Variants in SCEL observed in about 807,000 individuals in gnomAD.
SCEL encodes the protein sciellin.
A neutral mutation model predicts 117.6 loss-of-function variants in SCEL; 113 were observed. The ratio of observed to expected loss-of-function variants is 0.96; its 90% confidence interval spans 0.83 to 1.12. The LOEUF (loss-of-function observed/expected upper bound fraction) is 1.12, where lower values mean the gene tolerates loss of function less well. SCEL is among the 50% of genes most tolerant of loss of function. SCEL has a pLI of 0.00. For synonymous variants in SCEL, 270 were observed against 256.2 expected, an observed-to-expected ratio of 1.05 and a Z score of -0.51; for missense variants, 785 against 810.8, an observed-to-expected ratio of 0.97 and a Z score of 0.39.
Position 77,598,703 on chromosome 13 carries a change from G to A in SCEL, c.798-626G>A, listed in dbSNP as rs2087422330. Among the ~76,000 whole-genome samples, 4 of 152,164 alleles carry A rather than the reference G, an allele frequency of 2.6e-5. No individual in the cohort carries two copies. In the South Asian group the frequency reaches 8.3e-4, roughly 32 times the overall value. On this transcript the variant is annotated intron_variant, in intron 13 of 32. Coordinates refer to ENST00000349847, the MANE Select transcript of SCEL (RefSeq NM_144777.3). ...TGTTTGTTTGTTCATTCGTTTTAGA[G>A]ACAGGGTCTCGCTCTGTCGCCCAGG...
At chr13:77,631,469 G>T (rs975834781) in intron 28 of SCEL, among the ~76,000 whole-genome samples, 1 of 152,148 alleles carries the variant, frequency 6.6e-6, no homozygotes, top group Non-Finnish European at 1.5e-5. Flanking sequence ...AAACCAGTGA[G>T]ACATGAATCT....
chr13:77,633,465 A>AAAAAAAAAAAAAT (rs1199649315), intron 28 of SCEL, among the ~76,000 whole-genome samples: 1 of 143,498 alleles, frequency 7.0e-6, no homozygotes, highest in Non-Finnish European at 1.5e-5. Context: ...AAAAAAAAAA[A>AAAAAAAAAAAAAT]AGAAGCCAGG....
At position 77,637,239 on chromosome 13, in the gene SCEL, G is replaced by A. The variant is rs984244157; in HGVS notation, c.1838+45G>A. 1.0e-5 allele frequency: 7 copies of A among 702,650 alleles called. No individual in the cohort carries two copies. In the Admixed American group the frequency reaches 1.9e-4, roughly 19 times the overall value. The allele number at this position is 702,650 out of a possible 1,614,324, so 43.5% of individuals were successfully genotyped here. A position where few individuals can be genotyped will look rare whatever the true frequency, so the allele number is the denominator to read the frequency against. ...CATACATAAAAAGTACACACATACA[G>A]ACACACACACACATATATATATATA... On this transcript the variant is annotated intron_variant, in intron 30 of 32. Coordinates refer to ENST00000349847, the MANE Select transcript of SCEL (RefSeq NM_144777.3).
At position 77,556,542 on chromosome 13, in the gene SCEL, C is replaced by T. The variant is rs186198245; in HGVS notation, c.44-54C>T. 11 of 1,461,210 alleles carry T rather than the reference C, an allele frequency of 7.5e-6. No individual in the cohort carries two copies. The African/African-American group carries it at 1.5e-4, about 20-fold the overall frequency. 90.5% of individuals were successfully genotyped at this position (1,461,210 alleles called of 1,614,324 possible). On this transcript the variant is annotated intron_variant, in intron 2 of 32. Transcript: ENST00000349847. ...CTCAGGATTTTCAGGTTAACAAGCC[C>T]ACGCTCAACTCCACACTATTACATC...
intron 1 of SCEL, among the ~76,000 whole-genome samples, chr13:77,550,891 C>T (rs1253246816): frequency 6.6e-6 from 1 of 152,160 alleles, no homozygotes; most frequent in Admixed American, 6.5e-5. Flanking sequence ...AGAAGGCTGT[C>T]CTGTGAAGGT....
At chr13:77,539,691 C>T (rs1467704116) in intron 1 of SCEL, among the ~76,000 whole-genome samples, 2 of 152,068 alleles carry the variant, frequency 1.3e-5, no homozygotes, top group African/African-American at 4.8e-5. Context: ...CCCACCACCA[C>T]GCCCAGCTGA....
intron 28 of SCEL, among the ~76,000 whole-genome samples, chr13:77,633,461 A>AAAAAAAAAAG (rs2090129413): frequency 7.0e-6 from 1 of 143,018 alleles, no homozygotes; most frequent in Non-Finnish European, 1.5e-5. Flanking sequence ...AAAAAAAAAA[A>AAAAAAAAAAG]AAAAAGAAGC....
At position 77,638,659 on chromosome 13, in the gene SCEL, C is replaced by A. The variant is rs112748459; in HGVS notation, c.1838+1465C>A. Reference sequence around the variant, plus strand: ...TGCTGTTGATAGTGTGTGAAATTGGCGATGTTCTTACAGTTCTTATTTAAG... The same window carrying A: ...TGCTGTTGATAGTGTGTGAAATTGGAGATGTTCTTACAGTTCTTATTTAAG... On this transcript the variant is annotated intron_variant, in intron 30 of 32. Transcript: ENST00000349847. Among the ~76,000 whole-genome samples, 713 of 152,224 alleles carry A rather than the reference C, an allele frequency of 4.7e-3. 9 individuals carry two copies. The highest frequency in any genetic ancestry group is 0.016 in the African/African-American group (681 of 41,540).
rs17067903 is a variant in SCEL, at chr13:77,559,401, A to G, written c.162-403A>G. On this transcript the variant is annotated intron_variant, in intron 3 of 32. Transcript: ENST00000349847. ...CAACATACCCAGACGTAATGGGCTT[A>G]CTTAAACTTAAACACAATTTGTGGA... 0.012 allele frequency among the ~76,000 whole-genome samples: 1,850 copies of G among 152,342 alleles called. 103 individuals carry two copies. The East Asian group carries it at 0.13, about 11-fold the overall frequency.
At chr13:77,587,946 G>A (rs2086655482) in intron 9 of SCEL, among the ~76,000 whole-genome samples, 1 of 152,034 alleles carries the variant, frequency 6.6e-6, no homozygotes, top group Admixed American at 6.6e-5. Context: ...ATAGCCTCAT[G>A]GCTTACTCTA....
At chr13:77,643,571 G>C (rs1259313851) in intron 32 of SCEL, among the ~76,000 whole-genome samples, 1 of 152,026 alleles carries the variant, frequency 6.6e-6, no homozygotes, top group Non-Finnish European at 1.5e-5. Context: ...TATGTGAAAG[G>C]CACTTTTTCC....
At chr13:77,550,414 T>A (rs1049397071) in intron 1 of SCEL, among the ~76,000 whole-genome samples, 74 of 145,744 alleles carry the variant, frequency 5.1e-4, no homozygotes, top group African/African-American at 1.4e-3. Flanking sequence ...ATATATATAT[T>A]ATATATATAT....
At chr13:77,625,289 T>C (rs1254710661) in intron 27 of SCEL, among the ~76,000 whole-genome samples, 2 of 152,222 alleles carry the variant, frequency 1.3e-5, no homozygotes, top group African/African-American at 4.8e-5. Context: ...CCAAGGTTGT[T>C]AAGATAGTTT....
chr13:77,579,568 G>A (rs1332897755), intron 9 of SCEL, among the ~76,000 whole-genome samples: 1 of 152,180 alleles, frequency 6.6e-6, no homozygotes, highest in Non-Finnish European at 1.5e-5. Context: ...AGTACAAAAA[G>A]GAGTACAGAG....
chr13:77,552,758 A>T (rs985357934), intron 1 of SCEL, among the ~76,000 whole-genome samples: 7 of 152,168 alleles, frequency 4.6e-5, no homozygotes, highest in African/African-American at 1.7e-4. Flanking sequence ...TTTAGACATG[A>T]AGTCCTTGCC....
intron 7 of SCEL, 146 bp from the exon 8 acceptor site, chr13:77,569,225 T>C: frequency 1.7e-6 from 1 of 600,722 alleles, no homozygotes. Flanking sequence ...AGGAAGAAGA[T>C]TTTTGGCTGT....
Position 77,644,415 on chromosome 13 carries a change from AAGTAATCT to A in SCEL, c.*143_*150del. ...AAAATTAACAATTCTGTTATTGCAT[AAGTAATCT>A]AATTGTCTTCAATAAGGTCACACAC... On this transcript the variant is annotated 3_prime_UTR_variant, in exon 33 of 33. Coordinates refer to ENST00000349847, the MANE Select transcript of SCEL (RefSeq NM_144777.3). The A allele has an allele frequency of 1.3e-6, 1 of 792,462 alleles. No homozygotes were observed. The highest frequency in any genetic ancestry group is 2.8e-5 in the East Asian group (1 of 36,336). 49.1% of individuals were successfully genotyped at this position (792,462 alleles called of 1,614,324 possible). A position where few individuals can be genotyped will look rare whatever the true frequency, so the allele number is the denominator to read the frequency against.
In SCEL at chr13:77,568,329, A is replaced by G. The variant is rs776421837; in HGVS notation, c.394A>G (p.Lys132Glu). 2.1e-5 allele frequency: 32 copies of G among 1,557,498 alleles called. No homozygotes were observed. The South Asian group carries it at 3.5e-4, about 17-fold the overall frequency. ...MSMFRSLEVTKLQPGGSLNAN... is the reference protein window; with the variant it reads ...MSMFRSLEVTELQPGGSLNAN... ...CATGTTTAGATCACTGGAAGTAACAAAGTTGTATGTATTCTTTCTAATTGT... is the reference window on the plus strand; with the variant it reads ...CATGTTTAGATCACTGGAAGTAACAGAGTTGTATGTATTCTTTCTAATTGT... Residue 132 changes from lysine (K) to glutamate (E), a missense_variant, in exon 7 of 33, where the codon AAG (lysine) becomes GAG (glutamate). Coordinates refer to ENST00000349847, the MANE Select transcript of SCEL (RefSeq NM_144777.3).
intron 20 of SCEL, among the ~76,000 whole-genome samples, chr13:77,608,328 G>A (rs1302575905): frequency 2.0e-5 from 3 of 152,176 alleles, no homozygotes; most frequent in African/African-American, 2.4e-5. Context: ...GGCCGGGTAC[G>A]GTGGCTCACG....
Sources: allele counts gnomAD v4.1 joint callset (sites outside exome capture counted in the v4.1 genomes callset), GRCh38; gene constraint gnomAD v4.1.1; transcripts MANE v1.5; gene names NCBI Gene and HGNC (gene_info 2026-07-23, HGNC 2026-07-21).